The following FAM161A variants were observed in gnomAD, a reference collection of about 807,000 sequenced individuals.
The protein encoded by FAM161A is FAM161 centrosomal protein A.
A neutral mutation model predicts 70.9 loss-of-function variants in FAM161A; 57 were observed. The ratio of observed to expected loss-of-function variants is 0.80; its 90% CI spans 0.65 to 1.00. FAM161A has a LOEUF of 1.00. FAM161A is among the 50% of genes least tolerant of loss of function. The pLI, the probability that FAM161A is intolerant of heterozygous loss-of-function variation, is 0.00. For missense variants in FAM161A, 880 were observed against 836.0 expected (o/e 1.05, Z -0.65); for synonymous variants, 299 against 295.7 (o/e 1.01, Z -0.12).
rs1672751925 is a variant in FAM161A, at chr2:61,835,937, T to C, written c.1851+73A>G. 3 of 991,108 alleles carry C rather than the reference T, an allele frequency of 3.0e-6. No homozygotes were observed. In the African/African-American group the frequency reaches 5.2e-5, roughly 17 times the overall value. 61.4% of individuals were successfully genotyped at this position (991,108 alleles called of 1,614,324 possible). A position where few individuals can be genotyped will look rare whatever the true frequency, so the allele number is the denominator to read the frequency against. On this transcript the variant is annotated intron_variant, in intron 5 of 6. Transcript: ENST00000404929. The stretch of plus-strand genomic sequence containing the variant: ...TATAACACATAAGAAAAATGGACTG[T>C]AAATTTAGGAGCTAAAGCTGTAAAA...
chr2:61,827,393 G>T (rs1003036045), intron 5 of FAM161A, 135 bp from the exon 6 acceptor site: 7 of 755,164 alleles, frequency 9.3e-6, no homozygotes, highest in Non-Finnish European at 1.6e-5. Flanking sequence ...GGTGGATCAC[G>T]AGGTCAGGAG....
the FAM161A span, among the ~76,000 whole-genome samples, chr2:61,805,894 A>T: frequency 1.3e-5 from 2 of 152,188 alleles, no homozygotes; most frequent in South Asian, 2.1e-4. Context: ...TAGGCTTGTT[A>T]TCAAATTACT....
intron 1 of FAM161A, among the ~76,000 whole-genome samples, chr2:61,848,355 C>G (rs531194908): frequency 6.6e-6 from 1 of 152,242 alleles, no homozygotes; most frequent in South Asian, 2.1e-4. Context: ...CAGTGTTTAA[C>G]CTAAAACAGA....
chr2:61,839,309 G>C (rs1037667021), intron 3 of FAM161A, 112 bp downstream of exon 3: 17 of 886,400 alleles, frequency 1.9e-5, no homozygotes, highest in Non-Finnish European at 2.2e-5. Flanking sequence ...ATATCTTATA[G>C]ATACAATAAT....
the FAM161A span, among the ~76,000 whole-genome samples, chr2:61,812,364 T>C: frequency 3.3e-5 from 5 of 152,228 alleles, no homozygotes; most frequent in Non-Finnish European, 7.3e-5. Context: ...GATGATTTTA[T>C]ATGGATTATT....
At chr2:61,806,292 G>A in the FAM161A span, among the ~76,000 whole-genome samples, 6 of 152,122 alleles carry the variant, frequency 3.9e-5, no homozygotes, top group African/African-American at 9.7e-5. Context: ...GGGCGCCATC[G>A]CTACTTAAAA....
chr2:61,847,523 C>G (rs548791589), intron 1 of FAM161A, among the ~76,000 whole-genome samples: 24 of 152,258 alleles, frequency 1.6e-4, no homozygotes, highest in African/African-American at 5.8e-4. Flanking sequence ...GTAATCCCAG[C>G]ACTTTGGGAG....
chr2:61,803,445 T>A, the FAM161A span: 1 of 646,964 alleles, frequency 1.5e-6, no homozygotes, highest in Non-Finnish European at 2.8e-6. Context: ...CAAAGGCCAG[T>A]GTTGGTGCTG....
At chr2:61,801,895 C>T in the FAM161A span, among the ~76,000 whole-genome samples, 1 of 152,184 alleles carries the variant, frequency 6.6e-6, no homozygotes, top group African/African-American at 2.4e-5. Flanking sequence ...GATAATGCTG[C>T]TAGAAGAACT....
At chr2:61,838,745 A>C in intron 3 of FAM161A, 40 bp from the exon 4 acceptor site, 1 of 1,408,934 alleles carries the variant, frequency 7.1e-7, no homozygotes, top group African/African-American at 1.4e-5. Context: ...CTTTAAGCCA[A>C]TCAGAATGTT....
Position 61,839,787 on chromosome 2 carries a change from C to T in FAM161A, c.1217G>A (p.Cys406Tyr), listed in dbSNP as rs2105081316. 9 of 1,614,096 alleles carry T rather than the reference C, an allele frequency of 5.6e-6. No homozygotes were observed. The Middle Eastern group carries it at 6.6e-4, about 118-fold the overall frequency. Residue 406 changes from cysteine (C) to tyrosine (Y), a missense_variant, in exon 3 of 7, where the codon TGC becomes TAC. Transcript: ENST00000404929. ...CTGTTCAGGACACCTGGGGTTCCTG[C>T]ATCCACAAGCTGACCTACAAGGCAG... ...SPLPCRSACG[C>Y]RNPRCPEQAV...
downstream of FAM161A, chr2:61,820,124 G>A: frequency 2.2e-6 from 1 of 448,410 alleles, no homozygotes; most frequent in Non-Finnish European, 4.1e-6. Context: ...GTGTTCTGCT[G>A]CATTTAATAG....
In FAM161A at chr2:61,840,533, T is replaced by C. The variant is rs563152757; in HGVS notation, c.471A>G (p.Ser157=). ...NSYHPVSLMT[S]FSEPDLGQSS... is the part of the protein sequence containing the mutation. ...ACTGGCCTAAATCAGGCTCTGAAAA[T>C]GATGTCATTAATGAGACAGGGTGAT... Residue 157 remains serine (S), a synonymous_variant, in exon 3 of 7, where the codon TCA becomes TCG. Coordinates refer to ENST00000404929, the MANE Select transcript of FAM161A (RefSeq NM_001201543.2). 7 of 1,613,892 alleles carry C rather than the reference T, an allele frequency of 4.3e-6. No individual in the cohort carries two copies. The East Asian group carries it at 8.9e-5, about 21-fold the overall frequency.
chr2:61,841,426 C>T (rs1025047719), intron 2 of FAM161A, among the ~76,000 whole-genome samples: 2 of 152,182 alleles, frequency 1.3e-5, no homozygotes, highest in African/African-American at 2.4e-5. Context: ...ACTTATTCCT[C>T]CTCCAAGACT....
chr2:61,850,316 A>G (rs1204591363), intron 1 of FAM161A, among the ~76,000 whole-genome samples: 1 of 152,028 alleles, frequency 6.6e-6, no homozygotes, highest in African/African-American at 2.4e-5. Flanking sequence ...GAATCGCTTG[A>G]ACCTGGGAGG....
intron 6 of FAM161A, 108 bp from the exon 7 acceptor site, chr2:61,826,707 G>C: frequency 1.1e-6 from 1 of 932,994 alleles, no homozygotes; most frequent in Non-Finnish European, 1.6e-6. Context: ...TCAAGTGTAT[G>C]AATTCCAATT....
At position 61,839,729 on chromosome 2, in the gene FAM161A, C is replaced by G; in HGVS notation, c.1275G>C (p.Arg425Ser). ...GGTCCTCAAAATCAGGAGTTGGGCA[C>G]CTAACCTTGTGTTTACACTTCAACT... is the stretch of plus-strand genomic sequence containing the variant. Reference protein sequence around the residue: ...AVKLKCKHKVRCPTPDFEDLP... With the variant: ...AVKLKCKHKVSCPTPDFEDLP... The change falls in exon 3 of 7, where the codon AGG becomes AGC. Residue 425 changes from arginine (R) to serine (S), a missense_variant. By Grantham distance (110) the Arg-to-Ser change is moderately radical. Coordinates refer to ENST00000404929, the MANE Select transcript of FAM161A (RefSeq NM_001201543.2). 1.2e-6 allele frequency: 2 copies of G among 1,614,132 alleles called. No individual in the cohort carries two copies. The highest frequency in any genetic ancestry group is 1.7e-6 in the Non-Finnish European group (2 of 1,180,030).
intron 1 of FAM161A, among the ~76,000 whole-genome samples, chr2:61,851,495 C>T (rs960118760): frequency 2.6e-5 from 4 of 152,116 alleles, no homozygotes; most frequent in African/African-American, 7.2e-5. Context: ...CCACCACGTC[C>T]GGCTACTTTT....
chr2:61,804,772 A>AAGAAAGAG, the FAM161A span, among the ~76,000 whole-genome samples: 1 of 126,734 alleles, frequency 7.9e-6, no homozygotes, highest in Non-Finnish European at 1.7e-5. Context: ...AAGAAAGAGA[A>AAGAAAGAG]AGAAAGAAAG....
Sources: allele counts gnomAD v4.1 joint callset (sites outside exome capture counted in the v4.1 genomes callset), GRCh38; gene constraint gnomAD v4.1.1; transcripts MANE v1.5; gene names NCBI Gene and HGNC (gene_info 2026-07-23, HGNC 2026-07-21).